ZSWIM9: variants seen among roughly 807,000 people sequenced by gnomAD.
The protein encoded by ZSWIM9 is uncharacterized protein ZSWIM9.
Under a neutral mutation model 25.0 loss-of-function variants are expected in ZSWIM9, and 11 were observed. The observed-to-expected ratio is 0.44, with a 90% CI of 0.28 to 0.73. The LOEUF (loss-of-function observed/expected upper bound fraction) is 0.73. ZSWIM9 is among the 30% of genes least tolerant of loss of function. ZSWIM9 has a pLI of 0.16. For synonymous variants in ZSWIM9, 562 were observed against 582.1 expected (o/e 0.97, Z 0.50); for missense variants, 1,070 against 1,296.5 (o/e 0.83, Z 2.68).
intron 3 of ZSWIM9, among the ~76,000 whole-genome samples, chr19:48,186,096 A>T (rs2037007597): frequency 6.6e-6 from 1 of 152,224 alleles, no homozygotes; most frequent in Non-Finnish European, 1.5e-5. Context: ...TGAGGAACTG[A>T]ATTTGTCATT....
rs538123769 is a variant in ZSWIM9, at chr19:48,192,658, C to T, written c.589-1995C>T. Among the ~76,000 whole-genome samples the T allele has an allele frequency of 2.8e-3, 424 of 151,000 alleles. 3 individuals carry two copies. Among genetic ancestry groups the T allele is most frequent in the Non-Finnish European group, 2.4e-3 (163 of 67,832 alleles). On this transcript the variant is annotated intron_variant, in intron 3 of 3. Coordinates refer to ENST00000614654, the MANE Select transcript of ZSWIM9 (RefSeq NM_199341.4). ...GGATCCCAGCATCACTGCTTGTTAG[C>T]GCAGTGGCCTTGGGCAAGTCACTCC...
At position 48,182,153 on chromosome 19, in the gene ZSWIM9, T is replaced by TA. The variant is rs2036954079; in HGVS notation, c.276-301dup. On this transcript the variant is annotated intron_variant, in intron 2 of 3. Coordinates refer to ENST00000614654, the MANE Select transcript of ZSWIM9 (RefSeq NM_199341.4). The surrounding 1 kb of genome is among the most constrained non-coding windows in gnomAD (Gnocchi z 4.6). The stretch of plus-strand genomic sequence containing the variant: ...TAGGTATAGAATTTTAGTGAACACT[T>TA]ACTGCTTGCCATATTCCAGACACTG... 1 of 390,690 alleles carries TA rather than the reference T, an allele frequency of 2.6e-6. No individual in the cohort carries two copies. The highest frequency in any genetic ancestry group is 4.2e-5 in the East Asian group (1 of 24,000). 24.2% of individuals were successfully genotyped at this position (390,690 alleles called of 1,614,324 possible).
intron 2 of ZSWIM9, among the ~76,000 whole-genome samples, chr19:48,179,781 A>G (rs1344086898): frequency 6.6e-6 from 1 of 152,230 alleles, no homozygotes; most frequent in African/African-American, 2.4e-5. Flanking sequence ...GTAAGGTGGG[A>G]TGATTGTCTT....
At chr19:48,187,997 C>T (rs1235770907) in intron 3 of ZSWIM9, among the ~76,000 whole-genome samples, 1 of 151,526 alleles carries the variant, frequency 6.6e-6, no homozygotes, top group Non-Finnish European at 1.5e-5. Context: ...GACAGACAGA[C>T]AGCAAGCTTT....
intron 3 of ZSWIM9, among the ~76,000 whole-genome samples, chr19:48,189,285 T>C (rs986866633): frequency 4.6e-5 from 7 of 152,000 alleles, no homozygotes; most frequent in Non-Finnish European, 8.8e-5. Flanking sequence ...GGTATATCCA[T>C]CCATGGATTA....
At chr19:48,187,155 T>C (rs2123323360) in intron 3 of ZSWIM9, among the ~76,000 whole-genome samples, 1 of 150,028 alleles carries the variant, frequency 6.7e-6, no homozygotes, top group African/African-American at 2.5e-5. Flanking sequence ...CCAGCTGCTT[T>C]CCAGTTTCCA....
At position 48,195,739 on chromosome 19, in the gene ZSWIM9, T is replaced by C; in HGVS notation, c.1675T>C (p.Trp559Arg). The change falls in exon 4 of 4, where the codon TGG becomes CGG. Residue 559 changes from tryptophan to arginine, a missense_variant. By Grantham distance (101) the Trp-to-Arg change is moderately radical. Around this residue, in one of 4 missense-constraint regions of ZSWIM9, gnomAD observed 583 missense variants for 624.7 expected, o/e 0.93. Coordinates refer to ENST00000614654, the MANE Select transcript of ZSWIM9 (RefSeq NM_199341.4). The surrounding 1 kb of genome is among the most constrained non-coding windows in gnomAD (Gnocchi z 5.8). ...GHLRGPEIRD[W>R]RGPQLEGEKD... The stretch of plus-strand genomic sequence containing the variant: ...CCTGAGAGGGCCAGAGATTAGAGAC[T>C]GGAGGGGGCCCCAGTTGGAGGGTGA... 1 of 1,478,652 alleles carries C rather than the reference T, an allele frequency of 6.8e-7. No homozygotes were observed. The highest frequency in any genetic ancestry group is 8.9e-7 in the Non-Finnish European group (1 of 1,121,842). 91.6% of individuals were successfully genotyped at this position (1,478,652 alleles called of 1,614,324 possible).
chr19:48,196,087 G>A lies in ZSWIM9; in HGVS notation c.2023G>A (p.Ala675Thr). ...CCCCTTGGAGAAGTCCCTGGAGTTGGCCCCTGAGAACGGAGACCAAAGGGG... is the reference window on the plus strand; with the variant it reads ...CCCCTTGGAGAAGTCCCTGGAGTTGACCCCTGAGAACGGAGACCAAAGGGG... ...GIPLEKSLELAPENGDQRGPQ... is the reference protein window; with the variant it reads ...GIPLEKSLELTPENGDQRGPQ... The change falls in exon 4 of 4, where the codon GCC (alanine) becomes ACC (threonine). Residue 675 changes from alanine to threonine, a missense_variant. Physicochemically the swap from Ala to Thr is moderately conservative, Grantham distance 58. This residue lies in a region of ZSWIM9 where 583 missense variants were observed against 624.7 expected (regional missense o/e 0.93). Transcript: ENST00000614654. 8.0e-7 allele frequency: 1 copy of A among 1,245,548 alleles called. No homozygotes were observed. Among genetic ancestry groups the A allele is most frequent in the Middle Eastern group, 3.0e-4 (1 of 3,378 alleles). 77.2% of individuals were successfully genotyped at this position (1,245,548 alleles called of 1,614,324 possible).
At chr19:48,191,253 G>A (rs2037091685) in intron 3 of ZSWIM9, among the ~76,000 whole-genome samples, 1 of 152,092 alleles carries the variant, frequency 6.6e-6, no homozygotes, top group African/African-American at 2.4e-5. Flanking sequence ...CGCCCAGGCT[G>A]GAGTACAGTG....
At chr19:48,191,127 C>A (rs984075448) in intron 3 of ZSWIM9, among the ~76,000 whole-genome samples, 1 of 137,650 alleles carries the variant, frequency 7.3e-6, no homozygotes, top group Non-Finnish European at 1.6e-5. Context: ...TGTGTGTGTG[C>A]AGAATGGGTA....
rs148591124 is a variant in ZSWIM9 at position 48,175,867 on chromosome 19, A to T, written c.275+3790A>T. The stretch of plus-strand genomic sequence containing the variant: ...AATTGCTCAGCCTTTCTCAATACAC[A>T]CCGGCCGTTGAAAACATAAAGATCT... On this transcript the variant is annotated intron_variant, in intron 2 of 3. Transcript: ENST00000614654. Among the ~76,000 whole-genome samples, 221 of 152,132 alleles carry T rather than the reference A, an allele frequency of 1.5e-3. 1 individual carries two copies. The highest frequency in any genetic ancestry group is 5.3e-3 in the African/African-American group (220 of 41,492).
rs936053162 is a variant in ZSWIM9, at chr19:48,194,239, C to T, written c.589-414C>T. Among the ~76,000 whole-genome samples, 79 of 152,056 alleles carry T rather than the reference C, an allele frequency of 5.2e-4. No individual in the cohort carries two copies. Among genetic ancestry groups the T allele is most frequent in the Non-Finnish European group, 9.0e-4 (61 of 68,018 alleles). On this transcript the variant is annotated intron_variant, in intron 3 of 3. Transcript: ENST00000614654. The surrounding 1 kb of genome is among the most constrained non-coding windows in gnomAD (Gnocchi z 6.0). Reference sequence around the variant, plus strand: ...TCAGACTCAGTGGGTCTGAGGTGGCCCCGAGAAGGTGCATTTCTGTCCAGG... The same window carrying T: ...TCAGACTCAGTGGGTCTGAGGTGGCTCCGAGAAGGTGCATTTCTGTCCAGG...
At chr19:48,183,838 G>T (rs1282252979) in intron 3 of ZSWIM9, among the ~76,000 whole-genome samples, 1 of 150,870 alleles carries the variant, frequency 6.6e-6, no homozygotes, top group Non-Finnish European at 1.5e-5. Flanking sequence ...TGGCGGGGGG[G>T]GGTCTCCCTA....
chr19:48,195,917 G>T lies in ZSWIM9; in HGVS notation c.1853G>T (p.Arg618Met), dbSNP rs61734672. 2.1e-3 allele frequency: 2,858 copies of T among 1,366,102 alleles called. 54 individuals are homozygous for T. The African/African-American group carries it at 0.038, about 18-fold the overall frequency. 84.6% of individuals were successfully genotyped at this position (1,366,102 alleles called of 1,614,324 possible). The change falls in exon 4 of 4, where the codon AGG (arginine) becomes ATG (methionine). Residue 618 changes from arginine to methionine, a missense_variant. This residue lies in a region of ZSWIM9 where 583 missense variants were observed against 624.7 expected (regional missense o/e 0.93). Transcript: ENST00000614654. This position sits in a 1 kb window ranked among gnomAD's most constrained non-coding sequence, Gnocchi z 5.8. Reference protein sequence around the residue: ...DLRGTQFDYERVRSLEGSPWR... With the variant: ...DLRGTQFDYEMVRSLEGSPWR... ...AGGGGGACCCAGTTTGACTATGAGA[G>T]GGTCAGGAGTCTTGAAGGAAGCCCC...
chr19:48,196,743 CTT>C lies in ZSWIM9; in HGVS notation c.2681_2682del (p.Phe894CysfsTer50). On this transcript the variant is annotated frameshift_variant, in exon 4 of 4. Coordinates refer to ENST00000614654, the MANE Select transcript of ZSWIM9 (RefSeq NM_199341.4). LOFTEE classifies it high-confidence loss of function. ...AARRLPCRHL[F>X]AARLLTGAAL... ...CCCGCCGTCTGCCCTGCAGACACCTCTTTGCAGCGCGCCTCCTCACTGGGGCT... is the reference window on the plus strand; with the variant it reads ...CCCGCCGTCTGCCCTGCAGACACCTCTGCAGCGCGCCTCCTCACTGGGGCT... 2 of 1,233,564 alleles carry C rather than the reference CTT, an allele frequency of 1.6e-6. No homozygotes were observed. The highest frequency in any genetic ancestry group is 2.0e-6 in the Non-Finnish European group (2 of 988,968). The allele number at this position is 1,233,564 out of a possible 1,614,324, so 76.4% of individuals were successfully genotyped here.
At chr19:48,189,283 C>T (rs2037066512) in intron 3 of ZSWIM9, among the ~76,000 whole-genome samples, 1 of 152,100 alleles carries the variant, frequency 6.6e-6, no homozygotes, top group Middle Eastern at 3.2e-3. Context: ...GTGGTATATC[C>T]ATCCATGGAT....
chr19:48,196,865 G>A lies in ZSWIM9; in HGVS notation c.*38G>A, dbSNP rs1245694117. 3 of 1,251,780 alleles carry A rather than the reference G, an allele frequency of 2.4e-6. No individual in the cohort carries two copies. Among genetic ancestry groups the A allele is most frequent in the South Asian group, 7.5e-5 (2 of 26,606 alleles). The allele number at this position is 1,251,780 out of a possible 1,614,324, so 77.5% of individuals were successfully genotyped here. A position where few individuals can be genotyped will look rare whatever the true frequency, so the allele number is the denominator to read the frequency against. ...CTGCCCACCACCCTCCACCAGGAGG[G>A]TCGGAGGGCATTCTTCGATCCCAAA... is the stretch of plus-strand genomic sequence containing the variant. On this transcript the variant is annotated 3_prime_UTR_variant, in exon 4 of 4. Transcript: ENST00000614654.
rs577606254 is a variant in ZSWIM9, at chr19:48,191,219, T to G, written c.589-3434T>G. On this transcript the variant is annotated intron_variant, in intron 3 of 3. Transcript: ENST00000614654. ...GTTGTTGTTGTTTGTTTGTTTGTTT[T>G]TTTGAGATGGAGTCTCTCTCTGTCG... Among the ~76,000 whole-genome samples the G allele has an allele frequency of 6.2e-4, 94 of 152,064 alleles. 1 individual carries two copies. The highest frequency in any genetic ancestry group is 1.2e-3 in the South Asian group (6 of 4,824).
intron 3 of ZSWIM9, among the ~76,000 whole-genome samples, chr19:48,189,022 C>T (rs1180481377): frequency 6.6e-6 from 1 of 151,902 alleles, no homozygotes; most frequent in African/African-American, 2.4e-5. Flanking sequence ...CAGAGCGAGA[C>T]TCCATCTCAA....
Sources: allele counts gnomAD v4.1 joint callset (sites outside exome capture counted in the v4.1 genomes callset), GRCh38; gene constraint gnomAD v4.1.1; regional missense constraint gnomAD v4.1.1; non-coding constraint Gnocchi (gnomAD v3.1); transcripts MANE v1.5; gene names NCBI Gene and HGNC (gene_info 2026-07-23, HGNC 2026-07-21).